LRIG1: variants seen among roughly 807,000 people sequenced by gnomAD.
The protein encoded by LRIG1 is leucine rich repeats and immunoglobulin like domains 1.
In LRIG1, 48 loss-of-function variants were observed where a neutral mutation model predicts 99.2. That is an observed-to-expected ratio of 0.48 (90% confidence interval 0.38 to 0.62). LRIG1 has a LOEUF of 0.62. Among genes scored for constraint, LRIG1 ranks in the 20% least tolerant of loss-of-function variants. The pLI is 0.00. For synonymous variants in LRIG1, 772 were observed against 596.1 expected, an observed-to-expected ratio of 1.29 and a Z score of -4.30; for missense variants, 1,646 against 1,434.4, an observed-to-expected ratio of 1.15 and a Z score of -2.38.
chr3:66,400,407 G>A (rs766633584), intron 9 of LRIG1, among the ~76,000 whole-genome samples: 1 of 152,226 alleles, frequency 6.6e-6, no homozygotes, highest in Non-Finnish European at 1.5e-5. Context: ...AGGCAGTGCT[G>A]ACCATCAGCT....
chr3:66,483,614 C>G (rs1003412500), intron 1 of LRIG1, among the ~76,000 whole-genome samples: 8 of 152,238 alleles, frequency 5.3e-5, no homozygotes, highest in Non-Finnish European at 1.2e-4. Flanking sequence ...GCAACCGAAA[C>G]CAGCTGCCTG....
chr3:66,394,240 C>A (rs1330036596), intron 11 of LRIG1, 37 bp from the exon 12 acceptor site: 1 of 1,527,586 alleles, frequency 6.5e-7, no homozygotes, highest in Non-Finnish European at 8.8e-7. Context: ...TCAGGTGCAG[C>A]CGCAAAGGAG....
intron 1 of LRIG1, among the ~76,000 whole-genome samples, chr3:66,483,828 A>C (rs1434139762): frequency 6.6e-6 from 1 of 152,212 alleles, no homozygotes; most frequent in East Asian, 1.9e-4. Context: ...AACGCAACAC[A>C]GAGGAGAGCG....
At chr3:66,447,042 T>C (rs1703753715) in intron 3 of LRIG1, among the ~76,000 whole-genome samples, 2 of 152,104 alleles carry the variant, frequency 1.3e-5, no homozygotes, top group Admixed American at 6.5e-5. Flanking sequence ...GGCTTTTAAA[T>C]GGTGAGTTAA....
intron 1 of LRIG1, among the ~76,000 whole-genome samples, chr3:66,495,608 A>G (rs919974549): frequency 2.6e-5 from 4 of 152,248 alleles, no homozygotes; most frequent in Admixed American, 2.0e-4. Context: ...TTTACTGCAT[A>G]TAACAACTTT....
At chr3:66,431,548 G>A (rs897617659) in intron 3 of LRIG1, among the ~76,000 whole-genome samples, 2 of 152,154 alleles carry the variant, frequency 1.3e-5, no homozygotes, top group Non-Finnish European at 2.9e-5. Flanking sequence ...TGGAGATACT[G>A]CACTTCACAC....
intron 3 of LRIG1, among the ~76,000 whole-genome samples, chr3:66,435,906 G>C (rs1282188871): frequency 6.6e-6 from 1 of 152,118 alleles, no homozygotes; most frequent in Non-Finnish European, 1.5e-5. Context: ...GTTCCCAGTG[G>C]AATCAGCCTT....
rs1701320646 is a variant in LRIG1 at position 66,500,057 on chromosome 3, A to C, written c.218+133T>G. On this transcript the variant is annotated intron_variant, in intron 1 of 18. Transcript: ENST00000273261. ...CGCCACTCCAACCTGACAGTCTTCC[A>C]ACACGCACAAGCACGCACAACTCCA... is the stretch of plus-strand genomic sequence containing the variant. The C allele has an allele frequency of 9.0e-6, 6 of 664,954 alleles. No individual in the cohort carries two copies. The Admixed American group carries it at 2.1e-4, about 24-fold the overall frequency. 41.2% of individuals were successfully genotyped at this position (664,954 alleles called of 1,614,324 possible). A position where few individuals can be genotyped will look rare whatever the true frequency, so the allele number is the denominator to read the frequency against.
At chr3:66,382,770 TATTTGTGAGTATTCCTGTTTAAGGTTAA>T (rs1176091155) in intron 15 of LRIG1, among the ~76,000 whole-genome samples, 184 bp downstream of exon 15, 1 of 152,034 alleles carries the variant, frequency 6.6e-6, no homozygotes, top group Non-Finnish European at 1.5e-5. Context: ...CAGTTACTTG[TATTTGTGAGTATTCCTGTTTAAGGTTAA>T]ATTTGAGAGT....
chr3:66,439,933 C>T (rs1303676022), intron 3 of LRIG1, among the ~76,000 whole-genome samples: 1 of 152,114 alleles, frequency 6.6e-6, no homozygotes, highest in East Asian at 1.9e-4. Context: ...AAACTAAAAC[C>T]TCTACTAGGG....
At chr3:66,385,578 A>T (rs542614981) in intron 13 of LRIG1, among the ~76,000 whole-genome samples, 4 of 152,096 alleles carry the variant, frequency 2.6e-5, no homozygotes, top group Non-Finnish European at 5.9e-5. Context: ...TCAGCCTCCC[A>T]AGTAGCTGGG....
chr3:66,381,739 T>C, intron 16 of LRIG1, 108 bp from the exon 17 acceptor site: 2 of 1,284,374 alleles, frequency 1.6e-6, no homozygotes, highest in Non-Finnish European at 2.2e-6. Flanking sequence ...TTTTAAAAAG[T>C]TCTTCAGAGC....
intron 1 of LRIG1, among the ~76,000 whole-genome samples, chr3:66,478,071 A>G (rs1700763490): frequency 6.6e-6 from 1 of 152,214 alleles, no homozygotes; most frequent in Non-Finnish European, 1.5e-5. Flanking sequence ...GAGGTTACAC[A>G]TTAACCACAG....
chr3:66,456,435 T>C (rs1371013783), intron 2 of LRIG1, among the ~76,000 whole-genome samples: 1 of 151,102 alleles, frequency 6.6e-6, no homozygotes, highest in African/African-American at 2.4e-5. Context: ...TAGCCAGGAG[T>C]GGTTGTGCAC....
intron 1 of LRIG1, among the ~76,000 whole-genome samples, chr3:66,483,216 T>C (rs528293369): frequency 7.2e-5 from 11 of 152,272 alleles, no homozygotes; most frequent in South Asian, 2.1e-4. Context: ...CAGCTTCCCA[T>C]TGCCCCTTGC....
intron 3 of LRIG1, among the ~76,000 whole-genome samples, chr3:66,435,123 G>A (rs1232699376): frequency 1.3e-5 from 2 of 152,168 alleles, no homozygotes; most frequent in East Asian, 1.9e-4. Flanking sequence ...GGAATGGAAC[G>A]ACACATACAA....
rs768635079 is a variant in LRIG1 at position 66,413,004 on chromosome 3, G to A, written c.658C>T (p.Arg220Trp). The change falls in exon 6 of 19, where the codon CGG (arginine) becomes TGG (tryptophan). Residue 220 changes from arginine to tryptophan, a missense_variant. Coordinates refer to ENST00000273261, the MANE Select transcript of LRIG1 (RefSeq NM_015541.3). ...LPRLTQLDLN[R>W]NRIRLIEGLT... ...CCCTCTATCAGCCGAATCCTGTTCCGATTGAGGTCCCTAAAGAGATGAAGC... is the reference window on the plus strand; with the variant it reads ...CCCTCTATCAGCCGAATCCTGTTCCAATTGAGGTCCCTAAAGAGATGAAGC... 4.3e-6 allele frequency: 7 copies of A among 1,614,094 alleles called. No homozygotes were observed. Among genetic ancestry groups the A allele is most frequent in the East Asian group, 2.2e-5 (1 of 44,894 alleles).
rs552668378 is a variant in LRIG1, at chr3:66,465,251, A to G, written c.219-2742T>C. Among the ~76,000 whole-genome samples the G allele has an allele frequency of 3.4e-4, 52 of 152,308 alleles. No individual in the cohort carries two copies. In the South Asian group the frequency reaches 0.011, roughly 31 times the overall value. ...AGATCCTCAATAGGTTTATTGGGAA[A>G]TAAGGAAAATAGTTACCACATTCTC... On this transcript the variant is annotated intron_variant, in intron 1 of 18. Coordinates refer to ENST00000273261, the MANE Select transcript of LRIG1 (RefSeq NM_015541.3).
intron 3 of LRIG1, among the ~76,000 whole-genome samples, chr3:66,438,828 C>G (rs1703449015): frequency 6.6e-6 from 1 of 152,244 alleles, no homozygotes; most frequent in African/African-American, 2.4e-5. Flanking sequence ...CTGGTCCTCA[C>G]CACTATGCCA....
Sources: gnomAD v4.1 joint callset for allele counts (sites outside exome capture counted in the v4.1 genomes callset) on GRCh38, gnomAD v4.1.1 for gene constraint, MANE v1.5 for transcripts, NCBI Gene and HGNC (gene_info 2026-07-23, HGNC 2026-07-21) for gene names.